The following NLRP12 variants were observed in gnomAD, a reference collection of about 807,000 sequenced individuals.
NLRP12 encodes NLR family pyrin domain containing 12.
In NLRP12, 108 loss-of-function variants were observed where a neutral mutation model predicts 91.2. The ratio of observed to expected loss-of-function variants is 1.18; its 90% CI spans 1.01 to 1.39. The LOEUF (loss-of-function observed/expected upper bound fraction) is 1.39, where lower values mean the gene tolerates loss of function less well. Ranked by LOEUF, NLRP12 falls within the 40% of genes most tolerant of loss-of-function variation. NLRP12 has a pLI of 0.00. For synonymous variants in NLRP12, 613 were observed against 566.7 expected (o/e 1.08, Z -1.16); for missense variants, 1,530 against 1,352.7 (o/e 1.13, Z -2.06).
chr19:53,823,795 C>T (rs998070156), intron 1 of NLRP12, 91 bp downstream of exon 1: 4 of 1,420,012 alleles, frequency 2.8e-6, no homozygotes, highest in African/African-American at 2.8e-5. Context: ...AGTGATCTGC[C>T]CTCTTCAGCC....
At chr19:53,795,380 ATT>A (rs71304175) in intron 9 of NLRP12, among the ~76,000 whole-genome samples, 3 of 147,810 alleles carry the variant, frequency 2.0e-5, no homozygotes, top group Non-Finnish European at 3.0e-5. Context: ...AGACAAGGAA[ATT>A]TTTTTTTTTT....
In NLRP12 at chr19:53,809,902, T is replaced by C. The variant is rs748531216; in HGVS notation, c.1757A>G (p.His586Arg). The C allele has an allele frequency of 1.2e-6, 2 of 1,614,044 alleles. No individual in the cohort carries two copies. The highest frequency in any genetic ancestry group is 1.7e-6 in the Non-Finnish European group (2 of 1,180,034). ...EKSLCWKVSPHIKMDLLQWIQ... is the reference protein window; with the variant it reads ...EKSLCWKVSPRIKMDLLQWIQ... ...CCACTGCAACAGGTCCATCTTGATG[T>C]GCGGCGAGACCTTCCAGCAGAGACT... Residue 586 changes from histidine (H) to arginine (R), a missense_variant, in exon 3 of 10, where the codon CAC becomes CGC. By Grantham distance (29) the His-to-Arg change is conservative. Coordinates refer to ENST00000324134, the MANE Select transcript of NLRP12 (RefSeq NM_144687.4).
chr19:53,815,672 A>G (rs2092147274), intron 1 of NLRP12, among the ~76,000 whole-genome samples: 1 of 151,526 alleles, frequency 6.6e-6, no homozygotes, highest in Admixed American at 6.6e-5. Flanking sequence ...GCAGTGGCAC[A>G]ATCTTGGCTC....
chr19:53,804,195 G>A, intron 5 of NLRP12, 73 bp from the exon 6 acceptor site: 2 of 1,515,270 alleles, frequency 1.3e-6, no homozygotes, highest in Non-Finnish European at 1.8e-6. Context: ...GCTCCAGCCT[G>A]TTATTTTATT....
At chr19:53,803,840 C>T (rs1237698336) in intron 6 of NLRP12, 112 bp downstream of exon 6, 3 of 1,080,516 alleles carry the variant, frequency 2.8e-6, no homozygotes, top group East Asian at 2.5e-5. Flanking sequence ...TCCCAAAGTG[C>T]CGGGATTACA....
Position 53,810,379 on chromosome 19 carries a change from G to A in NLRP12, c.1280C>T (p.Thr427Met), listed in dbSNP as rs1383087110. Residue 427 changes from threonine to methionine, a missense_variant, in exon 3 of 10, where the codon ACG becomes ATG. Physicochemically the swap from Thr to Met is moderately conservative, Grantham distance 81. Transcript: ENST00000324134. ...GTACACTGCAGTGGTGGTCCTGGAC[G>A]TCTGTCTCAACAGCCCCCCACCCTC... is the stretch of plus-strand genomic sequence containing the variant. The part of the protein sequence containing the change: ...QLEGGGLLRQ[T>M]SRTTTAVYML... 3.1e-6 allele frequency: 5 copies of A among 1,613,462 alleles called. No homozygotes were observed. Among genetic ancestry groups the A allele is most frequent in the East Asian group, 2.2e-5 (1 of 44,888 alleles).
Position 53,795,886 on chromosome 19 carries a change from T to G in NLRP12, c.3071A>C (p.His1024Pro). Residue 1024 changes from histidine to proline, a missense_variant, in exon 9 of 10, where the codon CAT (histidine) becomes CCT (proline). Transcript: ENST00000324134. ...GVRLLCKRLS[H>P]PGCKLRVLWL... ...GAGGACTCGGAGTTTGCAGCCAGGA[T>G]GGCTCAGCCGCTTGCAAAGCAGTCG... is the stretch of plus-strand genomic sequence containing the variant. 1 of 1,614,182 alleles carries G rather than the reference T, an allele frequency of 6.2e-7. No individual in the cohort carries two copies. The highest frequency in any genetic ancestry group is 2.2e-5 in the East Asian group (1 of 44,884).
chr19:53,808,281 C>A (rs2091995291), intron 3 of NLRP12: 1 of 175,504 alleles, frequency 5.7e-6, no homozygotes, highest in Admixed American at 5.4e-5. Flanking sequence ...CTGCACCTGG[C>A]TCTATCTGAC....
chr19:53,817,120 T>A (rs2092172744), intron 1 of NLRP12, among the ~76,000 whole-genome samples: 1 of 149,558 alleles, frequency 6.7e-6, no homozygotes, highest in African/African-American at 2.5e-5. Flanking sequence ...TGAAACCCCG[T>A]CTCTACTAAA....
At chr19:53,811,770 T>C (rs979267685) in intron 2 of NLRP12, among the ~76,000 whole-genome samples, 1 of 151,820 alleles carries the variant, frequency 6.6e-6, no homozygotes, top group African/African-American at 2.4e-5. Flanking sequence ...TTTCACTATG[T>C]TGGCCAGGAT....
intron 2 of NLRP12, among the ~76,000 whole-genome samples, chr19:53,813,302 T>C (rs987858853): frequency 9.5e-5 from 10 of 104,788 alleles, no homozygotes; most frequent in Non-Finnish European, 1.7e-4. Flanking sequence ...TTCTTTTCTT[T>C]TTTTTTTTTT....
chr19:53,806,564 C>T (rs1319185796), intron 4 of NLRP12, among the ~76,000 whole-genome samples: 1 of 149,176 alleles, frequency 6.7e-6, no homozygotes, highest in African/African-American at 2.5e-5. Context: ...GCCTGTAGTC[C>T]CAGCTACTCA....
intron 1 of NLRP12, among the ~76,000 whole-genome samples, chr19:53,820,258 A>G (rs10406991): frequency 0.88 from 133,905 of 152,000 alleles, 59,242 homozygotes; most frequent in Non-Finnish European, 0.93. Flanking sequence ...AGCAGGGTGC[A>G]GTGGCTCACG....
intron 4 of NLRP12, among the ~76,000 whole-genome samples, chr19:53,806,805 C>G (rs536273153): frequency 1.3e-5 from 2 of 149,976 alleles, no homozygotes; most frequent in South Asian, 4.2e-4. Flanking sequence ...CTGCAGTGAG[C>G]CATGATTGTG....
chr19:53,804,911 T>G (rs1227861509), intron 5 of NLRP12, among the ~76,000 whole-genome samples: 1 of 151,908 alleles, frequency 6.6e-6, no homozygotes, highest in Non-Finnish European at 1.5e-5. Flanking sequence ...GTGCCTGTAA[T>G]CCCAGCTACT....
intron 1 of NLRP12, among the ~76,000 whole-genome samples, chr19:53,822,947 T>C (rs1010108658): frequency 7.9e-5 from 12 of 151,580 alleles, no homozygotes; most frequent in African/African-American, 2.9e-4. Context: ...TTTGTATTTT[T>C]AGTAGAGACA....
rs2092309868 is a variant in NLRP12 at position 53,824,194 on chromosome 19, A to G, written c.-20T>C. On this transcript the variant is annotated 5_prime_UTR_variant, in exon 1 of 10. Coordinates refer to ENST00000324134, the MANE Select transcript of NLRP12 (RefSeq NM_144687.4). ...TAGCATGGGGGTGCCGTGAGCCCCA[A>G]AGGAGAGGACCTGGAGGCTGAGATG... 1.9e-6 allele frequency: 3 copies of G among 1,612,628 alleles called. No homozygotes were observed. The highest frequency in any genetic ancestry group is 2.2e-5 in the East Asian group (1 of 44,874).
chr19:53,815,360 C>T (rs1663649814), intron 1 of NLRP12, among the ~76,000 whole-genome samples: 1 of 147,912 alleles, frequency 6.8e-6, no homozygotes, highest in South Asian at 2.1e-4. Context: ...TCACGAGTAG[C>T]TGGCATTACA....
At position 53,805,406 on chromosome 19, in the gene NLRP12, G is replaced by A. The variant is rs1305965769; in HGVS notation, c.2288C>T (p.Ser763Phe). ...ATTCTTATTGGCTATGAGAGCTGCAGAGAGGTCCTCGCAGGCTGAGCTGGA... is the reference window on the plus strand; with the variant it reads ...ATTCTTATTGGCTATGAGAGCTGCAAAGAGGTCCTCGCAGGCTGAGCTGGA... ...RISSSACEDL[S>F]AALIANKNLT... The change falls in exon 5 of 10, where the codon TCT (serine) becomes TTT (phenylalanine). Residue 763 changes from serine to phenylalanine, a missense_variant. Physicochemically the swap from Ser to Phe is radical, Grantham distance 155 (BLOSUM62 -2). Coordinates refer to ENST00000324134, the MANE Select transcript of NLRP12 (RefSeq NM_144687.4). The A allele has an allele frequency of 6.2e-7, 1 of 1,613,996 alleles. No individual in the cohort carries two copies. The highest frequency in any genetic ancestry group is 8.5e-7 in the Non-Finnish European group (1 of 1,180,018).
Sources: gnomAD v4.1 joint callset for allele counts (sites outside exome capture counted in the v4.1 genomes callset) on GRCh38, gnomAD v4.1.1 for gene constraint, MANE v1.5 for transcripts, NCBI Gene and HGNC (gene_info 2026-07-23, HGNC 2026-07-21) for gene names.